Variants in ESR2 observed in about 807,000 individuals in gnomAD.
ESR2 encodes the protein estrogen receptor 2.
In ESR2, 36 loss-of-function variants were observed where a neutral mutation model predicts 49.6. The ratio of observed to expected loss-of-function variants is 0.73; its 90% CI spans 0.56 to 0.96. The LOEUF is 0.96. Among genes scored for constraint, ESR2 ranks in the 40% least tolerant of loss-of-function variants. The probability of loss-of-function intolerance (pLI) is 0.00; values close to 1 mark genes in which losing one functional copy is unlikely to be tolerated. For missense variants in ESR2, 714 were observed against 693.0 expected (o/e 1.03, Z -0.34); for synonymous variants, 320 against 266.1 (o/e 1.20, Z -1.97).
chr14:64,227,839 C>T (rs1357018949), downstream of ESR2: 2 of 1,587,470 alleles, frequency 1.3e-6, no homozygotes, highest in African/African-American at 2.7e-5. Flanking sequence ...ATATCGTCTG[C>T]AAATCTTTCA....
intron 1 of ESR2, among the ~76,000 whole-genome samples, chr14:64,316,969 A>G (rs1318083288): frequency 6.6e-6 from 1 of 152,054 alleles, no homozygotes; most frequent in Admixed American, 6.6e-5. Flanking sequence ...TCATTGCTAT[A>G]AAGAAATACT....
At chr14:64,313,461 G>A (rs1384341160) in intron 1 of ESR2, among the ~76,000 whole-genome samples, 1 of 149,268 alleles carries the variant, frequency 6.7e-6, no homozygotes, top group Non-Finnish European at 1.5e-5. Context: ...TTGAACCTGG[G>A]AGGCGGAGGT....
chr14:64,227,368 T>C (rs1016103810), downstream of ESR2: 22 of 716,942 alleles, frequency 3.1e-5, no homozygotes, highest in South Asian at 3.7e-4. Flanking sequence ...AATTGTTGGA[T>C]TGATAATAGA....
intron 3 of ESR2, among the ~76,000 whole-genome samples, chr14:64,279,714 C>T (rs540805612): frequency 6.6e-6 from 1 of 152,234 alleles, no homozygotes; most frequent in Admixed American, 6.5e-5. Context: ...GGTTGTAACT[C>T]GATGTCTTCT....
rs982706219 is a variant in ESR2, at chr14:64,237,857, G to A, written c.1226-2707C>T. The stretch of plus-strand genomic sequence containing the variant: ...ATAGAGTCAGAAAAGCAAATTAGTG[G>A]TTGCCTAGGGCTGTGGGTGGGATAG... On this transcript the variant is annotated intron_variant, in intron 7 of 8. Coordinates refer to ENST00000341099, the MANE Select transcript of ESR2 (RefSeq NM_001437.3). Among the ~76,000 whole-genome samples the A allele has an allele frequency of 3.9e-5, 6 of 152,202 alleles. No homozygotes were observed. In the South Asian group the frequency reaches 6.2e-4, roughly 16 times the overall value.
In ESR2 at chr14:64,261,232, C is replaced by CTTTTTTTTTTTT. The variant is rs374264697; in HGVS notation, c.653-485_653-484insAAAAAAAAAAAA. Among the ~76,000 whole-genome samples the CTTTTTTTTTTTT allele has an allele frequency of 4.4e-3, 390 of 88,586 alleles. 20 individuals are homozygous for CTTTTTTTTTTTT. Among genetic ancestry groups the CTTTTTTTTTTTT allele is most frequent in the African/African-American group, 7.4e-3 (159 of 21,390 alleles). 58.1% of individuals were successfully genotyped at this position (88,586 alleles called of 152,430 possible). A position where few individuals can be genotyped will look rare whatever the true frequency, so the allele number is the denominator to read the frequency against. On this transcript the variant is annotated intron_variant, in intron 4 of 8. Coordinates refer to ENST00000341099, the MANE Select transcript of ESR2 (RefSeq NM_001437.3). ...CAGTCTTTTTAATGCTTTTATTTTT[C>CTTTTTTTTTTTT]TTTTTTCTTTTTTTTTTTTTTTTGA...
chr14:64,292,403 CTG>C (rs2076887489), intron 1 of ESR2, among the ~76,000 whole-genome samples: 1 of 152,126 alleles, frequency 6.6e-6, no homozygotes, highest in Admixed American at 6.6e-5. Context: ...GGTTACATGA[CTG>C]TGCATCTGTC....
In ESR2 at chr14:64,325,023, G is replaced by A. The variant is rs376531078; in HGVS notation, c.-91+12875C>T. On this transcript the variant is annotated intron_variant, in intron 1 of 8. Transcript: ENST00000358599. The stretch of plus-strand genomic sequence containing the variant: ...ACTGTTGATGGAGTGGAATTGCTGA[G>A]TCACAGGGTAGGATATATTCTGGTT... Among the ~76,000 whole-genome samples the A allele has an allele frequency of 3.9e-5, 6 of 152,280 alleles. No homozygotes were observed. The South Asian group carries it at 1.0e-3, about 26-fold the overall frequency.
chr14:64,306,524 C>G (rs1301435346), intron 1 of ESR2, among the ~76,000 whole-genome samples: 1 of 152,136 alleles, frequency 6.6e-6, no homozygotes, highest in East Asian at 1.9e-4. Flanking sequence ...TTGTCAAACA[C>G]TTTTGGTGGA....
chr14:64,259,692 T>C (rs1285538349), intron 5 of ESR2, among the ~76,000 whole-genome samples: 1 of 152,240 alleles, frequency 6.6e-6, no homozygotes, highest in Non-Finnish European at 1.5e-5. Context: ...CATTTTTAAC[T>C]TGATGGCATT....
chr14:64,303,369 C>A lies in ESR2; in HGVS notation c.-90-20294G>T, dbSNP rs546109029. 2.8e-5 allele frequency: 4 copies of A among 143,792 alleles called. No individual in the cohort carries two copies. In the East Asian group the frequency reaches 8.1e-4, roughly 29 times the overall value. 8.9% of individuals were successfully genotyped at this position (143,792 alleles called of 1,614,324 possible). A position where few individuals can be genotyped will look rare whatever the true frequency, so the allele number is the denominator to read the frequency against. ...AAATTCATAAACATTACATACAAAT[C>A]AGCAATCTAGGGCTTTTTTTTTTTT... On this transcript the variant is annotated intron_variant, in intron 1 of 8. Transcript: ENST00000358599.
At chr14:64,330,953 CA>C (rs2077449846) in intron 1 of ESR2, 1 of 146,964 alleles carries the variant, frequency 6.8e-6, no homozygotes, top group African/African-American at 2.5e-5. Context: ...TCAACAATAA[CA>C]AAAAACAAAC....
rs1009494091 is a variant in ESR2, at chr14:64,268,674, C to T, written c.652+121G>A. 1.1e-4 allele frequency: 76 copies of T among 673,304 alleles called. 1 individual carries two copies. Among genetic ancestry groups the T allele is most frequent in the South Asian group, 8.8e-4 (50 of 56,870 alleles). The allele number at this position is 673,304 out of a possible 1,614,324, so 41.7% of individuals were successfully genotyped here. On this transcript the variant is annotated intron_variant, in intron 4 of 8. Transcript: ENST00000341099. The stretch of plus-strand genomic sequence containing the variant: ...CAATGCCCCCTCCAATGTGACAACA[C>T]GCAAATACTTAATTACTATGTCCCA...
intron 3 of ESR2, among the ~76,000 whole-genome samples, chr14:64,271,433 C>G (rs1246532532): frequency 6.6e-6 from 1 of 152,252 alleles, no homozygotes; most frequent in African/African-American, 2.4e-5. Context: ...TCAAGCAATT[C>G]TCCTGCCTCA....
intron 1 of ESR2, among the ~76,000 whole-genome samples, chr14:64,324,234 T>G (rs930731706): frequency 6.6e-6 from 1 of 152,130 alleles, no homozygotes; most frequent in African/African-American, 2.4e-5. Flanking sequence ...CAAGAAGAGA[T>G]TATAAAAGAC....
At position 64,234,996 on chromosome 14, in the gene ESR2, C is replaced by A. The variant is rs757823564; in HGVS notation, c.1380G>T (p.Met460Ile). ...QQSMRLANLL[M>I]LLSHVRHASN... ...TCGCATGCCTGACGTGGGACAGGAG[C>A]ATCAGGAGGTTAGCCAGGCGCATGG... The change falls in exon 8 of 9, where the codon ATG becomes ATT. Residue 460 changes from methionine (M) to isoleucine (I), a missense_variant. Transcript: ENST00000341099. The A allele has an allele frequency of 2.5e-6, 4 of 1,614,110 alleles. No homozygotes were observed. The East Asian group carries it at 8.9e-5, about 36-fold the overall frequency.
intron 1 of ESR2, among the ~76,000 whole-genome samples, chr14:64,327,433 C>T (rs532554463): frequency 1.9e-5 from 2 of 106,216 alleles, no homozygotes; most frequent in East Asian, 2.3e-4. Flanking sequence ...CAGTGGCTCA[C>T]GCCTGTCATC....
Position 64,322,481 on chromosome 14 carries a change from T to G in ESR2, c.-91+15417A>C, listed in dbSNP as rs1265335325. Among the ~76,000 whole-genome samples, 6 of 144,764 alleles carry G rather than the reference T, an allele frequency of 4.1e-5. No individual in the cohort carries two copies. In the Admixed American group the frequency reaches 4.3e-4, roughly 10 times the overall value. 95.0% of individuals were successfully genotyped at this position (144,764 alleles called of 152,430 possible). A position where few individuals can be genotyped will look rare whatever the true frequency, so the allele number is the denominator to read the frequency against. ...GCTTGATCCAGGGGTTTGAGACCAG[T>G]CTGGGTAACATAGTAAGACCTTATC... On this transcript the variant is annotated intron_variant, in intron 1 of 8. Transcript: ENST00000358599.
chr14:64,249,494 A>G (rs1386381143), intron 7 of ESR2, 52 bp downstream of exon 7: 45 of 1,586,840 alleles, frequency 2.8e-5, no homozygotes, highest in Non-Finnish European at 3.8e-5. Flanking sequence ...CGCTAGTTGT[A>G]GAAACAGCAT....
Sources: allele counts gnomAD v4.1 joint callset (sites outside exome capture counted in the v4.1 genomes callset), GRCh38; gene constraint gnomAD v4.1.1; transcripts MANE v1.5; gene names NCBI Gene and HGNC (gene_info 2026-07-23, HGNC 2026-07-21).